The following STAB2 variants were observed in gnomAD, a reference collection of about 807,000 sequenced individuals.
STAB2 encodes stabilin-2.
STAB2 carries 288 observed loss-of-function variants against 338.1 expected under a neutral mutation model. That is an observed-to-expected ratio of 0.85 (90% CI 0.77 to 0.94). The LOEUF is 0.94. Among genes scored for constraint, STAB2 ranks in the 40% least tolerant of loss-of-function variants. The pLI, the probability that STAB2 is intolerant of heterozygous loss-of-function variation, is 0.00. For synonymous variants in STAB2, 1,202 were observed against 1,193.3 expected, an observed-to-expected ratio of 1.01 and a Z score of -0.15; for missense variants, 3,141 against 3,210.1, an observed-to-expected ratio of 0.98 and a Z score of 0.52.
intron 18 of STAB2, among the ~76,000 whole-genome samples, chr12:103,663,210 A>T (rs1193894091): frequency 6.6e-6 from 1 of 152,192 alleles, no homozygotes; most frequent in East Asian, 1.9e-4. Flanking sequence ...TTCCGCAATG[A>T]TAGATGCTGC....
At chr12:103,737,505 C>A in intron 52 of STAB2, 129 bp from the exon 53 acceptor site, 2 of 993,576 alleles carry the variant, frequency 2.0e-6, no homozygotes, top group Non-Finnish European at 2.9e-6. Context: ...TAAGTTCTTC[C>A]TGAGTCTTGC....
Position 103,758,246 on chromosome 12 carries a change from G to A in STAB2, c.7064G>A (p.Gly2355Asp), listed in dbSNP as rs1214512371. The A allele has an allele frequency of 6.2e-7, 1 of 1,614,018 alleles. No individual in the cohort carries two copies. The highest frequency in any genetic ancestry group is 8.5e-7 in the Non-Finnish European group (1 of 1,180,036). The change falls in exon 64 of 69, where the codon GGC becomes GAC. Residue 2355 changes from glycine (G) to aspartate (D), a missense_variant. By Grantham distance (94) the Gly-to-Asp change is moderately conservative. Coordinates refer to ENST00000388887, the MANE Select transcript of STAB2 (RefSeq NM_017564.10). Reference sequence around the variant, plus strand: ...CACCTGACTGACCTGTCCATCCGCGGCACCCTCTTTGTGCCACAGAACAGT... The same window carrying A: ...CACCTGACTGACCTGTCCATCCGCGACACCCTCTTTGTGCCACAGAACAGT... Reference protein sequence around the residue: ...LEHLTDLSIRGTLFVPQNSGL... With the variant: ...LEHLTDLSIRDTLFVPQNSGL...
chr12:103,702,023 C>CA (rs55698426), intron 34 of STAB2, among the ~76,000 whole-genome samples: 4 of 140,750 alleles, frequency 2.8e-5, no homozygotes, highest in African/African-American at 1.0e-4. Flanking sequence ...CACACACACA[C>CA]CCCACCCCAA....
At chr12:103,598,073 C>T in intron 3 of STAB2, among the ~76,000 whole-genome samples, 1 of 152,110 alleles carries the variant, frequency 6.6e-6, no homozygotes, top group African/African-American at 2.4e-5. Flanking sequence ...GATTTGAAAC[C>T]ATCCTTTTAG....
At chr12:103,655,072 C>G (rs569570062) in intron 13 of STAB2, among the ~76,000 whole-genome samples, 179 bp from the exon 14 acceptor site, 6 of 152,218 alleles carry the variant, frequency 3.9e-5, no homozygotes, top group Non-Finnish European at 5.9e-5. Flanking sequence ...ACATGCAGAT[C>G]TGAACTACTG....
At chr12:103,591,079 C>A (rs909343535) in intron 2 of STAB2, 49 bp downstream of exon 2, 3 of 1,606,444 alleles carry the variant, frequency 1.9e-6, no homozygotes, top group South Asian at 1.1e-5. Flanking sequence ...CAACTTGAAG[C>A]TCCCTGTCTC....
At chr12:103,704,374 G>C (rs535614808) in intron 35 of STAB2, among the ~76,000 whole-genome samples, 184 bp from the exon 36 acceptor site, 1 of 152,306 alleles carries the variant, frequency 6.6e-6, no homozygotes, top group East Asian at 1.9e-4. Context: ...GAGTGTTTTG[G>C]AGAAAAGTGA....
In STAB2 at chr12:103,622,026, C is replaced by T. The variant is rs1565966688; in HGVS notation, c.418-16C>T. 6.2e-7 allele frequency: 1 copy of T among 1,614,056 alleles called. No individual in the cohort carries two copies. Among genetic ancestry groups the T allele is most frequent in the South Asian group, 1.1e-5 (1 of 91,064 alleles). ...TCACCTTGGGTCTAATGTCAACCAC[C>T]TGGGGTGTTTTGCAGGAAGGGTTTG... On this transcript the variant is annotated splice_polypyrimidine_tract_variant and intron_variant, in intron 4 of 68. Transcript: ENST00000388887.
chr12:103,710,059 C>A (rs1197070982), intron 39 of STAB2, among the ~76,000 whole-genome samples: 1 of 152,164 alleles, frequency 6.6e-6, no homozygotes, highest in South Asian at 2.1e-4. Context: ...CACCAGTAGC[C>A]TTGTGGTCTC....
At chr12:103,695,960 A>G (rs1878368495) in intron 33 of STAB2, 116 bp downstream of exon 33, 2 of 969,718 alleles carry the variant, frequency 2.1e-6, no homozygotes, top group Admixed American at 4.0e-5. Flanking sequence ...ATAGCCACAT[A>G]CTTGACGTAG....
intron 39 of STAB2, among the ~76,000 whole-genome samples, chr12:103,710,652 G>T (rs1300358740): frequency 1.3e-5 from 2 of 152,212 alleles, no homozygotes; most frequent in Non-Finnish European, 2.9e-5. Flanking sequence ...GAGAGAAAGG[G>T]ATTGTTTAGG....
chr12:103,643,204 G>A (rs868422035), intron 9 of STAB2, among the ~76,000 whole-genome samples: 63 of 152,084 alleles, frequency 4.1e-4, no homozygotes, highest in African/African-American at 1.4e-3. Context: ...CCATTCATGA[G>A]GCCTTTACTT....
At position 103,750,614 on chromosome 12, in the gene STAB2, C is replaced by T. The variant is rs750633424; in HGVS notation, c.6474C>T (p.Val2158=). ...KHKCECKSHY[V]GDGLNCEPEQ... ...AGTGTGAGTGTAAAAGTCACTATGT[C>T]GGAGATGGGCTGAACTGTGAGCCGG... The change falls in exon 60 of 69, where the codon GTC becomes GTT. Residue 2158 remains valine, a synonymous_variant. Coordinates refer to ENST00000388887, the MANE Select transcript of STAB2 (RefSeq NM_017564.10). 77 of 1,614,216 alleles carry T rather than the reference C, an allele frequency of 4.8e-5. No individual in the cohort carries two copies. The highest frequency in any genetic ancestry group is 5.8e-5 in the Non-Finnish European group (69 of 1,180,036).
At position 103,693,449 on chromosome 12, in the gene STAB2, A is replaced by G. The variant is rs76482617; in HGVS notation, c.3375+560A>G. 5.3e-5 allele frequency among the ~76,000 whole-genome samples: 8 copies of G among 152,318 alleles called. No homozygotes were observed. In the East Asian group the frequency reaches 1.2e-3, roughly 22 times the overall value. Reference sequence around the variant, plus strand: ...GAGACTGTCTCACAAAAACAAAAAAAAAACACACTTGAGCTTAAGCACCCT... The same window carrying G: ...GAGACTGTCTCACAAAAACAAAAAAGAAACACACTTGAGCTTAAGCACCCT... On this transcript the variant is annotated intron_variant, in intron 31 of 68. Transcript: ENST00000388887.
Position 103,703,198 on chromosome 12 carries a change from G to T in STAB2, c.3765G>T (p.Lys1255Asn), listed in dbSNP as rs1879056090. ...ACTACACCAATGTAGCCACTGATAA[G>T]GGAGTGATCCATGGCTTGGGAAAAG... ...PINYTNVATD[K>N]GVIHGLGKVL... The change falls in exon 35 of 69, where the codon AAG becomes AAT. Residue 1255 changes from lysine (K) to asparagine (N), a missense_variant. Transcript: ENST00000388887. The T allele has an allele frequency of 6.2e-7, 1 of 1,613,946 alleles. No homozygotes were observed. Among genetic ancestry groups the T allele is most frequent in the Non-Finnish European group, 8.5e-7 (1 of 1,180,022 alleles).
At chr12:103,667,515 A>G (rs530569820) in intron 19 of STAB2, among the ~76,000 whole-genome samples, 3 of 152,092 alleles carry the variant, frequency 2.0e-5, no homozygotes, top group Non-Finnish European at 4.4e-5. Context: ...CCATTCTATG[A>G]TTGTCTCAGC....
At chr12:103,630,456 A>C (rs920544864) in intron 5 of STAB2, among the ~76,000 whole-genome samples, 1 of 152,240 alleles carries the variant, frequency 6.6e-6, no homozygotes, top group Admixed American at 6.5e-5. Flanking sequence ...AGTAGGCAGA[A>C]AAATGAGCCC....
chr12:103,620,974 A>G (rs1313393172), intron 4 of STAB2, among the ~76,000 whole-genome samples: 30 of 151,832 alleles, frequency 2.0e-4, no homozygotes. Context: ...GTGGGCGCCT[A>G]TAGTCCCAGC....
At chr12:103,639,643 G>T (rs1382974670) in intron 8 of STAB2, among the ~76,000 whole-genome samples, 4 of 141,522 alleles carry the variant, frequency 2.8e-5, no homozygotes, top group African/African-American at 8.0e-5. Flanking sequence ...AGTAAAGGCT[G>T]CAATGAGCCA....
Sources: gnomAD v4.1 joint callset for allele counts (sites outside exome capture counted in the v4.1 genomes callset) on GRCh38, gnomAD v4.1.1 for gene constraint, MANE v1.5 for transcripts, NCBI Gene and HGNC (gene_info 2026-07-23, HGNC 2026-07-21) for gene names.